STXBP5: variants seen among roughly 807,000 people sequenced by gnomAD.
The protein encoded by STXBP5 is syntaxin-binding protein 5.
A neutral mutation model predicts 152.4 loss-of-function variants in STXBP5; 50 were observed. That is an observed-to-expected ratio of 0.33 (90% CI 0.26 to 0.42). STXBP5 has a LOEUF of 0.42. STXBP5 is among the 10% of genes least tolerant of loss of function. The pLI, the probability that STXBP5 is intolerant of heterozygous loss-of-function variation, is 1.00. For missense variants in STXBP5, 1,167 were observed against 1,388.6 expected (o/e 0.84, Z 2.54); for synonymous variants, 492 against 494.7 (o/e 0.99, Z 0.07).
chr6:147,357,170 G>A (rs1454250476), intron 22 of STXBP5, among the ~76,000 whole-genome samples: 1 of 152,064 alleles, frequency 6.6e-6, no homozygotes, highest in Non-Finnish European at 1.5e-5. Context: ...CATGGCTATA[G>A]GTATGTAGTC....
chr6:147,210,212 G>GT (rs967535050), intron 2 of STXBP5, among the ~76,000 whole-genome samples: 11 of 152,120 alleles, frequency 7.2e-5, no homozygotes, highest in Non-Finnish European at 1.5e-4. Flanking sequence ...AGATGATAAG[G>GT]TTTTGCAAGT....
In STXBP5 at chr6:147,353,451, G is replaced by C. The variant is rs959428200; in HGVS notation, c.2305+78G>C. The C allele has an allele frequency of 4.3e-6, 4 of 933,354 alleles. No individual in the cohort carries two copies. In the African/African-American group the frequency reaches 5.2e-5, roughly 12 times the overall value. The allele number at this position is 933,354 out of a possible 1,614,324, so 57.8% of individuals were successfully genotyped here. A position where few individuals can be genotyped will look rare whatever the true frequency, so the allele number is the denominator to read the frequency against. ...GGAAATCAGAAAATTTATAGTTACTGTAAGATAGTCATTGGAAAGCAAGTT... is the reference window on the plus strand; with the variant it reads ...GGAAATCAGAAAATTTATAGTTACTCTAAGATAGTCATTGGAAAGCAAGTT... On this transcript the variant is annotated intron_variant, in intron 22 of 27. Coordinates refer to ENST00000321680, the MANE Select transcript of STXBP5 (RefSeq NM_001127715.4).
chr6:147,207,668 G>A (rs1356916119), intron 2 of STXBP5, among the ~76,000 whole-genome samples: 1 of 152,150 alleles, frequency 6.6e-6, no homozygotes, highest in East Asian at 1.9e-4. Flanking sequence ...GGAACTGAAA[G>A]CAGTTTCTTT....
chr6:147,255,372 G>A (rs745779159), intron 4 of STXBP5, among the ~76,000 whole-genome samples: 13 of 152,210 alleles, frequency 8.5e-5, no homozygotes, highest in Non-Finnish European at 1.8e-4. Flanking sequence ...GGTTTGATGG[G>A]TGCAGAGTCA....
At chr6:147,363,764 C>T in intron 24 of STXBP5, 60 bp downstream of exon 24, 1 of 1,526,566 alleles carries the variant, frequency 6.6e-7, no homozygotes, top group Admixed American at 2.2e-5. Context: ...AACTATACTA[C>T]AGAATTGTTT....
chr6:147,245,113 C>G (rs946177690), intron 4 of STXBP5, among the ~76,000 whole-genome samples: 2 of 150,782 alleles, frequency 1.3e-5, no homozygotes, highest in Non-Finnish European at 2.9e-5. Context: ...CTGAGCCTCA[C>G]GAGTAGCTGG....
chr6:147,297,090 T>G (rs932051626), intron 9 of STXBP5, among the ~76,000 whole-genome samples: 12 of 152,112 alleles, frequency 7.9e-5, no homozygotes, highest in South Asian at 2.1e-4. Flanking sequence ...TTGGGAGAGA[T>G]ATGTATATTC....
intron 3 of STXBP5, among the ~76,000 whole-genome samples, chr6:147,238,047 C>A (rs1294278892): frequency 6.6e-6 from 1 of 152,180 alleles, no homozygotes; most frequent in Middle Eastern, 3.2e-3. Context: ...TCAGAATCAT[C>A]TCAAAGGTTT....
intron 4 of STXBP5, among the ~76,000 whole-genome samples, chr6:147,253,620 C>T (rs567173379): frequency 1.3e-5 from 2 of 152,294 alleles, no homozygotes; most frequent in African/African-American, 2.4e-5. Flanking sequence ...GATACAAAAT[C>T]ATTGTGCAAA....
rs1786516260 is a variant in STXBP5 at position 147,389,975 on chromosome 6, A to G, written c.*5220A>G. 6.6e-6 allele frequency: 1 copy of G among 151,968 alleles called. No individual in the cohort carries two copies. Among genetic ancestry groups the G allele is most frequent in the South Asian group, 2.1e-4 (1 of 4,830 alleles). 9.4% of individuals were successfully genotyped at this position (151,968 alleles called of 1,614,324 possible). A position where few individuals can be genotyped will look rare whatever the true frequency, so the allele number is the denominator to read the frequency against. On this transcript the variant is annotated 3_prime_UTR_variant, in exon 28 of 28. Transcript: ENST00000321680. ...ATGCATTACCAAAAGACAATATGAA[A>G]AAGAGCAAGATTAAGTTTTTCTAAC...
At chr6:147,303,637 C>T (rs1489669235) in intron 9 of STXBP5, among the ~76,000 whole-genome samples, 3 of 152,150 alleles carry the variant, frequency 2.0e-5, no homozygotes, top group Non-Finnish European at 4.4e-5. Flanking sequence ...CGGAAGAAGA[C>T]AGAAAGATGT....
At chr6:147,242,340 G>A (rs149657996) in intron 4 of STXBP5, among the ~76,000 whole-genome samples, 3 of 152,080 alleles carry the variant, frequency 2.0e-5, no homozygotes, top group Non-Finnish European at 2.9e-5. Context: ...TGTTTATGAC[G>A]TAAAGTTTAC....
chr6:147,347,013 G>T (rs1280356227), intron 21 of STXBP5, among the ~76,000 whole-genome samples: 1 of 152,138 alleles, frequency 6.6e-6, no homozygotes, highest in African/African-American at 2.4e-5. Context: ...ACCTAAGGAG[G>T]CAGAGAGTGG....
chr6:147,314,664 TTA>T (rs780944358), intron 14 of STXBP5, 28 bp downstream of exon 14: 34 of 1,557,066 alleles, frequency 2.2e-5, no homozygotes, highest in Non-Finnish European at 3.0e-5. Flanking sequence ...TCATTATTTG[TTA>T]TATGTTATAC....
At chr6:147,275,126 C>T (rs1052607930) in intron 7 of STXBP5, among the ~76,000 whole-genome samples, 1 of 152,140 alleles carries the variant, frequency 6.6e-6, no homozygotes, top group Non-Finnish European at 1.5e-5. Context: ...ATCATAGGTA[C>T]TACTTTTGCC....
chr6:147,298,701 A>G (rs933428665), intron 9 of STXBP5, among the ~76,000 whole-genome samples: 2 of 152,078 alleles, frequency 1.3e-5, no homozygotes, highest in African/African-American at 2.4e-5. Context: ...GTAAAAATAC[A>G]TGGACATTAC....
chr6:147,283,056 A>G (rs1461284603), intron 8 of STXBP5, among the ~76,000 whole-genome samples: 1 of 152,222 alleles, frequency 6.6e-6, no homozygotes, highest in Non-Finnish European at 1.5e-5. Context: ...CCTGGGCTAC[A>G]TGTGGCCTGC....
intron 2 of STXBP5, among the ~76,000 whole-genome samples, chr6:147,227,119 G>T (rs373447217): frequency 6.6e-6 from 1 of 152,166 alleles, no homozygotes; most frequent in African/African-American, 2.4e-5. Context: ...AGGCTCTCCT[G>T]TTGTGTGGAT....
At chr6:147,370,233 G>A (rs1179776737) in intron 25 of STXBP5, among the ~76,000 whole-genome samples, 1 of 151,984 alleles carries the variant, frequency 6.6e-6, no homozygotes, top group African/African-American at 2.4e-5. Context: ...CTTGGATATG[G>A]GGTTGTTAAA....
Sources: gnomAD v4.1 joint callset for allele counts (sites outside exome capture counted in the v4.1 genomes callset) on GRCh38, gnomAD v4.1.1 for gene constraint, MANE v1.5 for transcripts, NCBI Gene and HGNC (gene_info 2026-07-23, HGNC 2026-07-21) for gene names.